Variants in TEAD1 observed in about 807,000 individuals in gnomAD.
TEAD1 encodes transcriptional enhancer factor TEF-1.
A neutral mutation model predicts 54.9 loss-of-function variants in TEAD1; 9 were observed. The ratio of observed to expected loss-of-function variants is 0.16; its 90% CI spans 0.10 to 0.29. The LOEUF (loss-of-function observed/expected upper bound fraction) is 0.29. Among genes scored for constraint, TEAD1 ranks in the 10% least tolerant of loss-of-function variants. The pLI, the probability that TEAD1 is intolerant of heterozygous loss-of-function variation, is 1.00. For missense variants in TEAD1, 387 were observed against 535.9 expected (o/e 0.72, Z 2.74); for synonymous variants, 200 against 187.8 (o/e 1.07, Z -0.53).
chr11:12,739,182 T>C (rs535738735), intron 2 of TEAD1, among the ~76,000 whole-genome samples: 3 of 152,014 alleles, frequency 2.0e-5, no homozygotes, highest in South Asian at 4.2e-4. Context: ...ATTGCTTTGC[T>C]TTGAGGTCTC....
At chr11:12,843,756 G>T (rs1205331460) in intron 3 of TEAD1, among the ~76,000 whole-genome samples, 2 of 152,200 alleles carry the variant, frequency 1.3e-5, no homozygotes, top group Non-Finnish European at 2.9e-5. Context: ...ATATTTCATT[G>T]TTGATGTCTT....
At chr11:12,899,266 G>T (rs1017224584) in intron 9 of TEAD1, among the ~76,000 whole-genome samples, 1 of 145,778 alleles carries the variant, frequency 6.9e-6, no homozygotes, top group Non-Finnish European at 1.5e-5. Flanking sequence ...TGTTAATCAG[G>T]GTTGGATGGA....
At chr11:12,733,644 A>G (rs569987125) in intron 2 of TEAD1, among the ~76,000 whole-genome samples, 22 of 152,326 alleles carry the variant, frequency 1.4e-4, no homozygotes, top group African/African-American at 5.3e-4. Flanking sequence ...TATCTGTCAC[A>G]CTTCCATCAG....
intron 2 of TEAD1, among the ~76,000 whole-genome samples, chr11:12,704,034 T>C (rs545798300): frequency 2.6e-5 from 4 of 152,358 alleles, no homozygotes; most frequent in African/African-American, 7.2e-5. Context: ...GAAAAAGTTA[T>C]GTTAGAAGAA....
chr11:12,804,456 T>G (rs1365299569), intron 3 of TEAD1, among the ~76,000 whole-genome samples: 3 of 152,242 alleles, frequency 2.0e-5, no homozygotes, highest in Non-Finnish European at 4.4e-5. Flanking sequence ...GCTTTTTAAT[T>G]TTATCTACTG....
At chr11:12,867,225 G>A (rs930010198) in intron 5 of TEAD1, among the ~76,000 whole-genome samples, 3 of 152,128 alleles carry the variant, frequency 2.0e-5, no homozygotes, top group African/African-American at 7.2e-5. Context: ...TAGTGAAGGT[G>A]GGAGAATGTT....
At chr11:12,861,655 C>T (rs1482712110) in intron 3 of TEAD1, among the ~76,000 whole-genome samples, 1 of 152,224 alleles carries the variant, frequency 6.6e-6, no homozygotes, top group Non-Finnish European at 1.5e-5. Flanking sequence ...TGACCCACCA[C>T]CCACAGCATA....
chr11:12,904,901 C>T (rs769230694), intron 10 of TEAD1: 2 of 345,826 alleles, frequency 5.8e-6, no homozygotes, highest in South Asian at 5.2e-5. Context: ...CCAGGAAAGG[C>T]GTCTCCTGGG....
At chr11:12,925,674 A>G (rs143937886) in intron 11 of TEAD1, among the ~76,000 whole-genome samples, 2 of 152,256 alleles carry the variant, frequency 1.3e-5, no homozygotes, top group Non-Finnish European at 2.9e-5. Context: ...AGTGCTGTGC[A>G]CCTTTGCTTG....
intron 3 of TEAD1, among the ~76,000 whole-genome samples, chr11:12,778,991 T>C (rs1945489624): frequency 6.6e-6 from 1 of 152,204 alleles, no homozygotes; most frequent in Non-Finnish European, 1.5e-5. Context: ...CTAGAGTAAT[T>C]TGTTCACAGT....
At chr11:12,899,120 G>GGATTC (rs1259308222) in intron 9 of TEAD1, among the ~76,000 whole-genome samples, 4 of 152,156 alleles carry the variant, frequency 2.6e-5, no homozygotes, top group African/African-American at 9.7e-5. Context: ...AGGGAGACTG[G>GGATTC]GATTCAGCTC....
intron 2 of TEAD1, among the ~76,000 whole-genome samples, chr11:12,723,879 C>G (rs1944261455): frequency 6.6e-6 from 1 of 152,062 alleles, no homozygotes; most frequent in Admixed American, 6.5e-5. Flanking sequence ...TGCAAGGGAG[C>G]CCAACTTGTT....
intron 2 of TEAD1, among the ~76,000 whole-genome samples, chr11:12,695,060 T>C (rs542925557): frequency 6.6e-6 from 1 of 152,386 alleles, no homozygotes; most frequent in East Asian, 1.9e-4. Flanking sequence ...AAAGTTTGCC[T>C]GGCTTTTTAA....
chr11:12,675,167 A>G (rs1564902847), intron 1 of TEAD1, among the ~76,000 whole-genome samples: 1 of 149,876 alleles, frequency 6.7e-6, no homozygotes, highest in African/African-American at 2.4e-5. Flanking sequence ...ACACGCACAC[A>G]CCCTCGGGCG....
At chr11:12,756,172 T>G (rs1944980568) in intron 2 of TEAD1, among the ~76,000 whole-genome samples, 1 of 152,144 alleles carries the variant, frequency 6.6e-6, no homozygotes, top group African/African-American at 2.4e-5. Context: ...GTTGATGGGA[T>G]TCTGTTGACA....
chr11:12,839,977 G>T (rs939395489), intron 3 of TEAD1, among the ~76,000 whole-genome samples: 9 of 152,052 alleles, frequency 5.9e-5, no homozygotes, highest in Admixed American at 5.2e-4. Context: ...GCCTGGCGCG[G>T]TGGTTCACGC....
chr11:12,730,310 C>T (rs924588700), intron 2 of TEAD1, among the ~76,000 whole-genome samples: 4 of 150,590 alleles, frequency 2.7e-5, no homozygotes, highest in African/African-American at 7.3e-5. Flanking sequence ...ACTGCCATTT[C>T]ATAGTTGAGG....
intron 5 of TEAD1, among the ~76,000 whole-genome samples, chr11:12,871,717 A>G (rs1947748780): frequency 6.6e-6 from 1 of 152,176 alleles, no homozygotes; most frequent in Admixed American, 6.5e-5. Context: ...CTTCCCATGA[A>G]GATGGGCCAA....
intron 3 of TEAD1, among the ~76,000 whole-genome samples, chr11:12,770,351 C>G (rs144617781): frequency 1.3e-5 from 2 of 152,142 alleles, no homozygotes; most frequent in African/African-American, 2.4e-5. Flanking sequence ...AGGAAAAGAA[C>G]ATGAAAGTAT....
Sources: allele counts gnomAD v4.1 joint callset (sites outside exome capture counted in the v4.1 genomes callset), GRCh38; gene constraint gnomAD v4.1.1; transcripts MANE v1.5; gene names NCBI Gene and HGNC (gene_info 2026-07-23, HGNC 2026-07-21).